The following SUSD4 variants were observed in gnomAD, a reference collection of about 807,000 sequenced individuals.
SUSD4 encodes sushi domain-containing protein 4.
Under a neutral mutation model 50.5 loss-of-function variants are expected in SUSD4, and 41 were observed. The ratio of observed to expected loss-of-function variants is 0.81; its 90% CI spans 0.63 to 1.05. The LOEUF (loss-of-function observed/expected upper bound fraction) is 1.05. Ranked by LOEUF, SUSD4 falls within the 50% of genes least tolerant of loss-of-function variation. The probability of loss-of-function intolerance (pLI) is 0.00; values close to 1 mark genes in which losing one functional copy is unlikely to be tolerated. For missense variants in SUSD4, 580 were observed against 634.7 expected (o/e 0.91, Z 0.93); for synonymous variants, 257 against 257.3 (o/e 1.00, Z 0.01).
At chr1:223,250,887 C>T (rs533967168) in intron 5 of SUSD4, among the ~76,000 whole-genome samples, 3 of 152,144 alleles carry the variant, frequency 2.0e-5, no homozygotes, top group East Asian at 1.9e-4. Context: ...TGGGAAGATT[C>T]GAAGACAGCC....
At chr1:223,223,098 A>T in intron 8 of SUSD4, 151 bp downstream of exon 8, 1 of 1,149,206 alleles carries the variant, frequency 8.7e-7, no homozygotes, top group Non-Finnish European at 1.1e-6. Context: ...ACATGGAGAG[A>T]GAGCATGAAG....
chr1:223,273,771 A>T, intron 3 of SUSD4, among the ~76,000 whole-genome samples: 1 of 152,204 alleles, frequency 6.6e-6, no homozygotes, highest in East Asian at 1.9e-4. Flanking sequence ...GTATATTGTC[A>T]TACATTGTTG....
chr1:223,310,228 T>C (rs1665791128), intron 2 of SUSD4, among the ~76,000 whole-genome samples: 1 of 152,222 alleles, frequency 6.6e-6, no homozygotes, highest in African/African-American at 2.4e-5. Flanking sequence ...AACCCAGTGC[T>C]GTGATTCTTA....
intron 5 of SUSD4, among the ~76,000 whole-genome samples, chr1:223,253,040 G>A (rs183784370): frequency 7.0e-4 from 106 of 151,710 alleles, no homozygotes; most frequent in Admixed American, 1.4e-3. Flanking sequence ...GCAGTGAGCC[G>A]AGATTGCACA....
chr1:223,246,778 G>A (rs1479055134), intron 5 of SUSD4, among the ~76,000 whole-genome samples: 1 of 152,104 alleles, frequency 6.6e-6, no homozygotes. Context: ...TGGGAGGGGG[G>A]CTGAGATGAG....
intron 5 of SUSD4, among the ~76,000 whole-genome samples, chr1:223,237,411 A>G (rs980340092): frequency 1.3e-5 from 2 of 152,190 alleles, no homozygotes; most frequent in Non-Finnish European, 2.9e-5. Context: ...GAGAAAGAAC[A>G]TCCTTGCCTT....
chr1:223,229,403 G>T lies in SUSD4; in HGVS notation c.725-15C>A. On this transcript the variant is annotated splice_polypyrimidine_tract_variant and intron_variant, in intron 5 of 8. Transcript: ENST00000366878. The surrounding 1 kb of genome is among the most constrained non-coding windows in gnomAD (Gnocchi z 4.7). ...TAGTGGACAGACTTGGGCAGTAGGG[G>T]AGAATAAAAGTTTCAGAACCACAAG... The T allele has an allele frequency of 6.4e-7, 1 of 1,571,296 alleles. No homozygotes were observed.
intron 4 of SUSD4, among the ~76,000 whole-genome samples, chr1:223,265,605 C>T (rs999386726): frequency 2.0e-5 from 3 of 152,146 alleles, no homozygotes; most frequent in Non-Finnish European, 4.4e-5. Context: ...GTCTGTGCAT[C>T]GAGCACAGCA....
Position 223,292,620 on chromosome 1 carries a change from G to A in SUSD4, c.180C>T (p.Pro60=), listed in dbSNP as rs751927925. 10 of 1,613,940 alleles carry A rather than the reference G, an allele frequency of 6.2e-6. No homozygotes were observed. Among genetic ancestry groups the A allele is most frequent in the South Asian group, 3.3e-5 (3 of 91,066 alleles). ...TCCTGAAGCCATTCTCGGGAATGCC[G>A]GGGTCAGCACACACTTGAAGGTCAT... is the stretch of plus-strand genomic sequence containing the variant. ...GFDDLQVCAD[P]GIPENGFRTP... is the part of the protein sequence containing the mutation. Residue 60 remains proline, a synonymous_variant, in exon 3 of 9, where the codon CCC becomes CCT. Coordinates refer to ENST00000366878, the MANE Select transcript of SUSD4 (RefSeq NM_017982.4).
intron 3 of SUSD4, among the ~76,000 whole-genome samples, chr1:223,284,963 C>T (rs1334496837): frequency 2.0e-5 from 3 of 151,974 alleles, no homozygotes; most frequent in South Asian, 2.1e-4. Flanking sequence ...AAAATAACTA[C>T]GGTCAACAAT....
At chr1:223,344,293 G>T (rs1667913248) in intron 2 of SUSD4, among the ~76,000 whole-genome samples, 1 of 152,080 alleles carries the variant, frequency 6.6e-6, no homozygotes, top group Admixed American at 6.5e-5. Context: ...CAAGATCTAG[G>T]GAGGCAACAT....
chr1:223,253,570 A>G (rs991505860), intron 5 of SUSD4, among the ~76,000 whole-genome samples: 7 of 152,110 alleles, frequency 4.6e-5, no homozygotes, highest in Admixed American at 6.6e-5. Context: ...GAAAGGAACA[A>G]CAGAGAGGAA....
intron 3 of SUSD4, among the ~76,000 whole-genome samples, chr1:223,277,869 A>G (rs971322424): frequency 3.9e-5 from 6 of 152,192 alleles, no homozygotes; most frequent in African/African-American, 1.4e-4. Flanking sequence ...AGAGAAAATT[A>G]TGTTATTCTC....
chr1:223,257,296 G>A (rs1224668028), intron 5 of SUSD4, among the ~76,000 whole-genome samples: 1 of 152,078 alleles, frequency 6.6e-6, no homozygotes, highest in Non-Finnish European at 1.5e-5. Flanking sequence ...TTGAGGCCAG[G>A]AGTTTGAGAC....
intron 2 of SUSD4, among the ~76,000 whole-genome samples, chr1:223,352,157 T>G (rs1203579410): frequency 6.6e-6 from 1 of 152,156 alleles, no homozygotes; most frequent in African/African-American, 2.4e-5. Flanking sequence ...AGTCTACCCT[T>G]GAGTGTGGCT....
intron 3 of SUSD4, among the ~76,000 whole-genome samples, chr1:223,289,939 C>T (rs571067789): frequency 1.3e-5 from 2 of 152,330 alleles, no homozygotes; most frequent in South Asian, 4.1e-4. Flanking sequence ...TACTCATCAA[C>T]TGTGTGACCT....
At chr1:223,311,440 C>T (rs1161040683) in intron 2 of SUSD4, among the ~76,000 whole-genome samples, 1 of 152,204 alleles carries the variant, frequency 6.6e-6, no homozygotes, top group Non-Finnish European at 1.5e-5. Context: ...AACAGCTTTG[C>T]TTCCAAAATA....
At chr1:223,280,090 T>C (rs1255339513) in intron 3 of SUSD4, among the ~76,000 whole-genome samples, 2 of 152,100 alleles carry the variant, frequency 1.3e-5, no homozygotes, top group African/African-American at 4.8e-5. Flanking sequence ...AAGGAAGCAC[T>C]AAACATGGAA....
chr1:223,322,452 A>G (rs1391086350), intron 2 of SUSD4, among the ~76,000 whole-genome samples: 4 of 152,204 alleles, frequency 2.6e-5, no homozygotes, highest in Non-Finnish European at 5.9e-5. Context: ...GACCTAACAC[A>G]TCGATTTTTC....
Sources: gnomAD v4.1 joint callset for allele counts (sites outside exome capture counted in the v4.1 genomes callset) on GRCh38, gnomAD v4.1.1 for gene constraint, Gnocchi (gnomAD v3.1) non-coding constraint, MANE v1.5 for transcripts, NCBI Gene and HGNC (gene_info 2026-07-23, HGNC 2026-07-21) for gene names.